Variants in GK5 observed in about 807,000 individuals in gnomAD.
GK5 encodes the protein glycerol kinase 5.
A neutral mutation model predicts 77.3 loss-of-function variants in GK5; 39 were observed. That is an observed-to-expected ratio of 0.50 (90% CI 0.39 to 0.66). The LOEUF (loss-of-function observed/expected upper bound fraction) is 0.66. GK5 is among the 30% of genes least tolerant of loss of function. The probability of loss-of-function intolerance (pLI) is 0.00; values close to 1 mark genes in which losing one functional copy is unlikely to be tolerated. For synonymous variants in GK5, 211 were observed against 208.0 expected, an observed-to-expected ratio of 1.01 and a Z score of -0.13; for missense variants, 487 against 633.8, an observed-to-expected ratio of 0.77 and a Z score of 2.49.
chr3:142,217,096 A>G (rs1020978204), intron 1 of GK5, among the ~76,000 whole-genome samples: 3 of 152,264 alleles, frequency 2.0e-5, no homozygotes, highest in African/African-American at 7.2e-5. Context: ...GGAAAAGATA[A>G]TCAAGAAATG....
At chr3:142,221,762 A>T (rs2064351077) in intron 1 of GK5, among the ~76,000 whole-genome samples, 2 of 152,194 alleles carry the variant, frequency 1.3e-5, no homozygotes, top group Admixed American at 6.5e-5. Context: ...AACACAAAAT[A>T]TTCTTCTAGT....
intron 2 of GK5, among the ~76,000 whole-genome samples, chr3:142,215,303 T>C (rs2064258159): frequency 6.6e-6 from 1 of 152,228 alleles, no homozygotes; most frequent in Non-Finnish European, 1.5e-5. Flanking sequence ...TCTGGTATTT[T>C]GTGCCAAACA....
intron 14 of GK5, among the ~76,000 whole-genome samples, chr3:142,170,779 G>A (rs2063526149): frequency 7.3e-6 from 1 of 136,468 alleles, no homozygotes. Context: ...GAAGTTTGAT[G>A]CTTACATGCC....
At position 142,225,420 on chromosome 3, in the gene GK5, C is replaced by T; in HGVS notation, c.36G>A (p.Ala12=). The change falls in exon 1 of 16, where the codon GCG becomes GCA. Residue 12 remains alanine, a synonymous_variant. Transcript: ENST00000392993. ...CGAAGCCGGGGTACCGCGGCTCCTG[C>T]GCTCTCTGCTCCGGGTCCGTGAGCA... The part of the protein sequence containing the change: ...SGLLTDPEQR[A]QEPRYPGFVL... The T allele has an allele frequency of 6.2e-7, 1 of 1,601,480 alleles. No individual in the cohort carries two copies. Among genetic ancestry groups the T allele is most frequent in the East Asian group, 2.3e-5 (1 of 44,380 alleles).
At chr3:142,180,436 G>A (rs915587174) in intron 11 of GK5, among the ~76,000 whole-genome samples, 3 of 151,672 alleles carry the variant, frequency 2.0e-5, no homozygotes, top group Non-Finnish European at 1.5e-5. Flanking sequence ...CAGAGTAGCT[G>A]GGATTACAGG....
intron 5 of GK5, among the ~76,000 whole-genome samples, chr3:142,191,707 A>G (rs1390601282): frequency 6.6e-6 from 1 of 152,134 alleles, no homozygotes; most frequent in Non-Finnish European, 1.5e-5. Context: ...CTATAATCCC[A>G]GCTACTTGGA....
intron 6 of GK5, 127 bp downstream of exon 6, chr3:142,187,577 C>T: frequency 3.0e-6 from 2 of 677,392 alleles, no homozygotes; most frequent in Non-Finnish European, 5.1e-6. Flanking sequence ...TGCACTCCCG[C>T]CTGGTTGACA....
Position 142,157,686 on chromosome 3 carries a change from T to TTC in GK5, c.*7935_*7936insGA, listed in dbSNP as rs2063392913. On this transcript the variant is annotated 3_prime_UTR_variant, in exon 16 of 16. Transcript: ENST00000392993. ...ATGAAATTATCTTTTCTCCAGTTAT[T>TTC]TATAATCTTTCTAAATATTTTAAAA... 1 of 152,226 alleles carries TTC rather than the reference T, an allele frequency of 6.6e-6. No homozygotes were observed. The highest frequency in any genetic ancestry group is 1.5e-5 in the Non-Finnish European group (1 of 68,038). 9.4% of individuals were successfully genotyped at this position (152,226 alleles called of 1,614,324 possible).
At position 142,168,986 on chromosome 3, in the gene GK5, C is replaced by A. The variant is rs190171949; in HGVS notation, c.1441+1339G>T. ...CCTTCAAAATTGAACCATATGTGAT[C>A]TCCTCTGGGAAGCCTAGACCACTTG... On this transcript the variant is annotated intron_variant, in intron 15 of 15. Coordinates refer to ENST00000392993, the MANE Select transcript of GK5 (RefSeq NM_001039547.3). Among the ~76,000 whole-genome samples, 4 of 152,298 alleles carry A rather than the reference C, an allele frequency of 2.6e-5. No individual in the cohort carries two copies. The East Asian group carries it at 7.7e-4, about 29-fold the overall frequency.
At chr3:142,189,574 A>G (rs2063820292) in intron 5 of GK5, among the ~76,000 whole-genome samples, 1 of 152,194 alleles carries the variant, frequency 6.6e-6, no homozygotes, top group Non-Finnish European at 1.5e-5. Context: ...TCATCCATCT[A>G]TTAAAAAAAT....
rs956477312 is a variant in GK5 at position 142,162,140 on chromosome 3, C to G, written c.*3482G>C. On this transcript the variant is annotated 3_prime_UTR_variant, in exon 16 of 16. Coordinates refer to ENST00000392993, the MANE Select transcript of GK5 (RefSeq NM_001039547.3). ...TTTATTAATCAGCAAAATAGATACCCTATTTATTTCAAGATACGATTAACT... is the reference window on the plus strand; with the variant it reads ...TTTATTAATCAGCAAAATAGATACCGTATTTATTTCAAGATACGATTAACT... 1 of 152,132 alleles carries G rather than the reference C, an allele frequency of 6.6e-6. No individual in the cohort carries two copies. The highest frequency in any genetic ancestry group is 1.5e-5 in the Non-Finnish European group (1 of 68,020). The allele number at this position is 152,132 out of a possible 1,614,324, so 9.4% of individuals were successfully genotyped here. A position where few individuals can be genotyped will look rare whatever the true frequency, so the allele number is the denominator to read the frequency against.
chr3:142,216,364 T>G (rs981223713), intron 1 of GK5, among the ~76,000 whole-genome samples: 1 of 152,106 alleles, frequency 6.6e-6, no homozygotes, highest in Non-Finnish European at 1.5e-5. Flanking sequence ...CCCATTTTTC[T>G]TTTTTCCCTT....
intron 15 of GK5, among the ~76,000 whole-genome samples, chr3:142,166,777 C>T (rs1387971117): frequency 3.9e-5 from 6 of 152,126 alleles, no homozygotes; most frequent in Non-Finnish European, 7.3e-5. Context: ...TCAAATGATC[C>T]GCCCTCCTCA....
chr3:142,173,767 A>G (rs2063572398), intron 12 of GK5, among the ~76,000 whole-genome samples: 1 of 152,190 alleles, frequency 6.6e-6, no homozygotes, highest in South Asian at 2.1e-4. Flanking sequence ...ACAGTCTCAC[A>G]AGGAAACAGA....
At chr3:142,187,555 T>G in intron 6 of GK5, 149 bp downstream of exon 6, 2 of 630,264 alleles carry the variant, frequency 3.2e-6, no homozygotes, top group Non-Finnish European at 5.5e-6. Context: ...CAGTGAGCCA[T>G]GATTACACCA....
chr3:142,177,166 G>A (rs1360722407), intron 12 of GK5, among the ~76,000 whole-genome samples: 1 of 152,124 alleles, frequency 6.6e-6, no homozygotes, highest in Non-Finnish European at 1.5e-5. Context: ...TTTTGGTCAT[G>A]ATAAAGTAAT....
chr3:142,205,965 G>A (rs952420212), intron 3 of GK5, among the ~76,000 whole-genome samples: 1 of 151,964 alleles, frequency 6.6e-6, no homozygotes, highest in Non-Finnish European at 1.5e-5. Context: ...CTATACATTT[G>A]CCTATTCCAG....
At chr3:142,202,277 C>T (rs1317460688) in intron 4 of GK5, among the ~76,000 whole-genome samples, 4 of 152,116 alleles carry the variant, frequency 2.6e-5, no homozygotes, top group Admixed American at 6.5e-5. Flanking sequence ...AAAAAGTAAG[C>T]GGAAGACCGG....
intron 5 of GK5, among the ~76,000 whole-genome samples, chr3:142,193,483 CAA>C (rs1161095979): frequency 1.4e-5 from 1 of 70,890 alleles, no homozygotes; most frequent in Non-Finnish European, 3.3e-5. Context: ...TTGTCTGCTA[CAA>C]AAAAAAAAAA....
Sources: allele counts gnomAD v4.1 joint callset (sites outside exome capture counted in the v4.1 genomes callset), GRCh38; gene constraint gnomAD v4.1.1; transcripts MANE v1.5; gene names NCBI Gene and HGNC (gene_info 2026-07-23, HGNC 2026-07-21).